The following TBCK variants were observed in gnomAD, a reference collection of about 807,000 sequenced individuals.
The protein encoded by TBCK is TBC domain-containing protein kinase-like protein.
A neutral mutation model predicts 113.4 loss-of-function variants in TBCK; 99 were observed. The observed-to-expected ratio is 0.87, with a 90% CI of 0.74 to 1.03. The LOEUF (loss-of-function observed/expected upper bound fraction) is 1.03, where lower values mean the gene tolerates loss of function less well. TBCK is among the 50% of genes least tolerant of loss of function. The pLI is 0.00. For missense variants in TBCK, 1,045 were observed against 1,061.3 expected (o/e 0.98, Z 0.21); for synonymous variants, 369 against 370.8 (o/e 1.00, Z 0.05).
chr4:106,047,606 C>T (rs1452878414), intron 25 of TBCK, among the ~76,000 whole-genome samples: 6 of 152,132 alleles, frequency 3.9e-5, no homozygotes, highest in African/African-American at 1.2e-4. Flanking sequence ...TCTCAGCTCC[C>T]GAAGTTTCTT....
At chr4:106,187,338 A>C (rs1302289542) in intron 22 of TBCK, among the ~76,000 whole-genome samples, 1 of 152,058 alleles carries the variant, frequency 6.6e-6, no homozygotes, top group Non-Finnish European at 1.5e-5. Flanking sequence ...CAATATGGCC[A>C]TTTTAACAAC....
At chr4:106,260,112 T>G (rs903242566) in intron 5 of TBCK, among the ~76,000 whole-genome samples, 1 of 151,938 alleles carries the variant, frequency 6.6e-6, no homozygotes. Flanking sequence ...CACATTATCA[T>G]TAGTTGAGAA....
chr4:106,108,845 T>C (rs999281123), intron 24 of TBCK, among the ~76,000 whole-genome samples: 10 of 152,142 alleles, frequency 6.6e-5, no homozygotes, highest in African/African-American at 2.4e-4. Context: ...TGATTCTATA[T>C]CTAGAAAAAC....
intron 23 of TBCK, 93 bp from the exon 24 acceptor site, chr4:106,116,471 A>C: frequency 9.9e-7 from 1 of 1,010,322 alleles, no homozygotes; most frequent in East Asian, 2.6e-5. Flanking sequence ...CAAACAATAC[A>C]GCATATAAGA....
intron 22 of TBCK, among the ~76,000 whole-genome samples, chr4:106,189,285 G>T (rs1753386087): frequency 6.7e-6 from 1 of 150,352 alleles, no homozygotes; most frequent in African/African-American, 2.5e-5. Context: ...CAGACATGCA[G>T]TGAGCCAAAA....
intron 3 of TBCK, among the ~76,000 whole-genome samples, chr4:106,266,281 T>C (rs967584429): frequency 3.3e-5 from 5 of 151,832 alleles, no homozygotes; most frequent in Admixed American, 6.6e-5. Context: ...ATGAACTCAT[T>C]TGGCTCTACA....
At chr4:106,287,584 T>C (rs1002724623) in intron 3 of TBCK, among the ~76,000 whole-genome samples, 3 of 152,226 alleles carry the variant, frequency 2.0e-5, no homozygotes, top group Admixed American at 2.0e-4. Flanking sequence ...TTGTTGACAC[T>C]AGGTTACCAA....
Position 106,124,611 on chromosome 4 carries a change from A to G in TBCK, c.2236-8233T>C, listed in dbSNP as rs555308138. Among the ~76,000 whole-genome samples the G allele has an allele frequency of 2.0e-5, 3 of 152,308 alleles. No individual in the cohort carries two copies. In the South Asian group the frequency reaches 6.2e-4, roughly 32 times the overall value. ...GACTTGGAGCCAACCCAAATGTCCAACAATGATAGACTGGATTAAGAAAAT... is the reference window on the plus strand; with the variant it reads ...GACTTGGAGCCAACCCAAATGTCCAGCAATGATAGACTGGATTAAGAAAAT... On this transcript the variant is annotated intron_variant, in intron 23 of 25. Transcript: ENST00000394708.
intron 1 of TBCK, among the ~76,000 whole-genome samples, chr4:106,314,616 A>ATTTTTTTT (rs869091052): frequency 9.8e-6 from 1 of 102,058 alleles, no homozygotes; most frequent in Non-Finnish European, 1.9e-5. Flanking sequence ...ATACTACTTG[A>ATTTTTTTT]TTTTTTTTTT....
At chr4:106,268,616 T>C (rs1024318356) in intron 3 of TBCK, among the ~76,000 whole-genome samples, 1 of 152,024 alleles carries the variant, frequency 6.6e-6, no homozygotes, top group African/African-American at 2.4e-5. Flanking sequence ...AAAAAATTCA[T>C]TTGCTGAAAA....
chr4:106,120,979 A>G (rs1744276168), intron 23 of TBCK, among the ~76,000 whole-genome samples: 1 of 152,180 alleles, frequency 6.6e-6, no homozygotes, highest in Non-Finnish European at 1.5e-5. Context: ...TGACTTTGAC[A>G]AGCTGAGAGA....
At chr4:106,112,339 G>T (rs1742964631) in intron 24 of TBCK, among the ~76,000 whole-genome samples, 1 of 152,136 alleles carries the variant, frequency 6.6e-6, no homozygotes, top group Admixed American at 6.5e-5. Context: ...CCTTCCTGCT[G>T]ACAAACTCCT....
chr4:106,310,003 A>G (rs1198564821), intron 1 of TBCK: 1 of 152,118 alleles, frequency 6.6e-6, no homozygotes, highest in Non-Finnish European at 1.5e-5. Flanking sequence ...ATCAATCTGA[A>G]TCACATTAAG....
chr4:106,238,010 A>G (rs1221660810), intron 12 of TBCK, among the ~76,000 whole-genome samples: 3 of 152,074 alleles, frequency 2.0e-5, no homozygotes, highest in Non-Finnish European at 4.4e-5. Context: ...AGATTCAGCA[A>G]ATTAATATTT....
Position 106,248,319 on chromosome 4 carries a change from G to T in TBCK, c.721-13C>A. The T allele has an allele frequency of 6.5e-7, 1 of 1,534,706 alleles. No homozygotes were observed. Among genetic ancestry groups the T allele is most frequent in the African/African-American group, 1.4e-5 (1 of 71,884 alleles). ...TTTCAGGAAGCTCCTGGTAAATAAA[G>T]AGAGAAAATAATTAATTAAAATGAT... On this transcript the variant is annotated splice_polypyrimidine_tract_variant and intron_variant, in intron 8 of 25. Transcript: ENST00000394708.
chr4:106,121,049 A>T (rs1178408479), intron 23 of TBCK, among the ~76,000 whole-genome samples: 1 of 152,164 alleles, frequency 6.6e-6, no homozygotes, highest in Admixed American at 6.5e-5. Flanking sequence ...ACCAAAGGCA[A>T]AGAAGTTGAA....
At chr4:106,311,265 A>G (rs890663010) in intron 1 of TBCK, among the ~76,000 whole-genome samples, 8 of 151,816 alleles carry the variant, frequency 5.3e-5, no homozygotes, top group Admixed American at 2.0e-4. Flanking sequence ...CCTGTGCAAG[A>G]AAGATCAAGG....
intron 22 of TBCK, among the ~76,000 whole-genome samples, chr4:106,175,072 A>C (rs934777107): frequency 2.0e-5 from 3 of 151,470 alleles, no homozygotes; most frequent in Non-Finnish European, 4.4e-5. Context: ...GGCTGCAGTG[A>C]GCAGTGATCA....
chr4:106,188,357 C>A (rs970335832), intron 22 of TBCK, among the ~76,000 whole-genome samples: 1 of 152,124 alleles, frequency 6.6e-6, no homozygotes, highest in Non-Finnish European at 1.5e-5. Flanking sequence ...AGGTTAATTA[C>A]TTTTAATCTA....
Sources: gnomAD v4.1 joint callset for allele counts (sites outside exome capture counted in the v4.1 genomes callset) on GRCh38, gnomAD v4.1.1 for gene constraint, MANE v1.5 for transcripts, NCBI Gene and HGNC (gene_info 2026-07-23, HGNC 2026-07-21) for gene names.